FAM228B: variants seen among roughly 807,000 people sequenced by gnomAD.
The protein encoded by FAM228B is family with sequence similarity 228 member B, also known as protein FAM228B.
In FAM228B, 38 loss-of-function variants were observed where a neutral mutation model predicts 42.6. The ratio of observed to expected loss-of-function variants is 0.89; its 90% CI spans 0.69 to 1.17. The LOEUF is 1.17. Among genes scored for constraint, FAM228B ranks in the 50% most tolerant of loss-of-function variants. The probability of loss-of-function intolerance (pLI) is 0.00; values close to 1 mark genes in which losing one functional copy is unlikely to be tolerated. For synonymous variants in FAM228B, 109 were observed against 122.3 expected, an observed-to-expected ratio of 0.89 and a Z score of 0.72; for missense variants, 344 against 367.3, an observed-to-expected ratio of 0.94 and a Z score of 0.52.
chr2:24,119,820 A>AT (rs1666045688), upstream of FAM228B: 2 of 606,788 alleles, frequency 3.3e-6, no homozygotes, highest in African/African-American at 3.7e-5. Context: ...TTCCGTATAT[A>AT]TTTTCCATAT....
rs375736738 is a variant in FAM228B at position 24,157,874 on chromosome 2, T to C, written c.687-3632T>C. ...CACATACCAGGTTGAAAACCACTTA[T>C]TTATAGCCATAAGGCAGTAGATTCA... On this transcript the variant is annotated intron_variant, in intron 7 of 10. Transcript: ENST00000615575. Among the ~76,000 whole-genome samples the C allele has an allele frequency of 1.2e-3, 186 of 152,318 alleles. 9 individuals are homozygous for C. The South Asian group carries it at 0.038, about 31-fold the overall frequency.
chr2:24,092,476 G>A (rs868584319), intron 2 of FAM228B, among the ~76,000 whole-genome samples: 3 of 117,982 alleles, frequency 2.5e-5, no homozygotes, highest in Non-Finnish European at 6.0e-5. Flanking sequence ...TTCGGGAGGC[G>A]GGGCAGGAGA....
intron 2 of FAM228B, among the ~76,000 whole-genome samples, chr2:24,132,944 T>C (rs1666490817): frequency 6.6e-6 from 1 of 152,218 alleles, no homozygotes; most frequent in South Asian, 2.1e-4. Flanking sequence ...TTCAAGAGTT[T>C]GCCAGATATT....
intron 7 of FAM228B, among the ~76,000 whole-genome samples, chr2:24,156,286 T>G (rs1401974202): frequency 6.6e-6 from 1 of 152,202 alleles, no homozygotes; most frequent in African/African-American, 2.4e-5. Context: ...CATTATCCCT[T>G]TACTTAATCC....
At chr2:24,104,114 G>A (rs1477219) in intron 3 of FAM228B, among the ~76,000 whole-genome samples, 12,766 of 152,250 alleles carry the variant, frequency 0.084, 1,795 homozygotes, top group African/African-American at 0.29. Flanking sequence ...GCAGAAAGGA[G>A]TGAAGCCAGG....
At chr2:24,099,509 C>A (rs1371972056) in intron 3 of FAM228B, among the ~76,000 whole-genome samples, 1 of 152,076 alleles carries the variant, frequency 6.6e-6, no homozygotes, top group Non-Finnish European at 1.5e-5. Context: ...GAGTGAACTC[C>A]CAGTCACAAT....
chr2:24,119,062 A>G (rs1666015715), upstream of FAM228B, among the ~76,000 whole-genome samples: 1 of 152,202 alleles, frequency 6.6e-6, no homozygotes, highest in Non-Finnish European at 1.5e-5. Context: ...GGAATGCAGT[A>G]TATACCAACA....
At chr2:24,122,326 C>CAAAAA (rs71397404), upstream of FAM228B, 7,049 of 745,940 alleles carry the variant, frequency 9.4e-3, 38 homozygotes, top group South Asian at 0.012. Context: ...AATTCCGTCT[C>CAAAAA]AAAAAAAAAA....
chr2:24,151,237 A>G (rs966498398), intron 7 of FAM228B, among the ~76,000 whole-genome samples: 2 of 151,556 alleles, frequency 1.3e-5, no homozygotes, highest in African/African-American at 4.8e-5. Flanking sequence ...ATTCTTCAGC[A>G]TGTCAGTTGC....
intron 7 of FAM228B, among the ~76,000 whole-genome samples, chr2:24,154,735 C>A (rs1406241912): frequency 6.6e-6 from 1 of 152,188 alleles, no homozygotes; most frequent in Non-Finnish European, 1.5e-5. Flanking sequence ...ATTCAGTTTA[C>A]TTCTTTGCCT....
chr2:24,082,216 G>A (rs973922670), intron 2 of FAM228B, among the ~76,000 whole-genome samples: 2 of 152,150 alleles, frequency 1.3e-5, no homozygotes, highest in East Asian at 1.9e-4. Context: ...GGCTGATCTT[G>A]AACTCCTGGG....
chr2:24,124,253 A>C (rs1666240783), intron 1 of FAM228B, 77 bp from the exon 2 acceptor site: 1 of 719,468 alleles, frequency 1.4e-6, no homozygotes, highest in Admixed American at 3.1e-5. Flanking sequence ...CGTGTGTGCA[A>C]GGACACAGGT....
chr2:24,150,478 G>A (rs563867172), intron 7 of FAM228B, among the ~76,000 whole-genome samples: 4 of 151,916 alleles, frequency 2.6e-5, no homozygotes, highest in Admixed American at 6.6e-5. Flanking sequence ...AGGCTGGAGT[G>A]CAGTGGCATA....
Position 24,084,417 on chromosome 2 carries a change from A to G in FAM228B, c.-210+3462A>G, listed in dbSNP as rs1665170117. On this transcript the variant is annotated intron_variant, in intron 2 of 10. Coordinates refer to the FAM228B transcript ENST00000613899. The surrounding 1 kb of genome is among the most constrained non-coding windows in gnomAD (Gnocchi z 8.4). ...AGGGCAGGGCAGGACAGGACAGGGCAGGGGCCGCTGTATCCTCGCGGAGCA... is the reference window on the plus strand; with the variant it reads ...AGGGCAGGGCAGGACAGGACAGGGCGGGGGCCGCTGTATCCTCGCGGAGCA... 3 of 1,421,052 alleles carry G rather than the reference A, an allele frequency of 2.1e-6. No individual in the cohort carries two copies. Among genetic ancestry groups the G allele is most frequent in the South Asian group, 1.4e-5 (1 of 70,526 alleles). 88.0% of individuals were successfully genotyped at this position (1,421,052 alleles called of 1,614,324 possible).
chr2:24,166,215 G>A (rs550405364), intron 9 of FAM228B, among the ~76,000 whole-genome samples: 1 of 151,938 alleles, frequency 6.6e-6, no homozygotes, highest in East Asian at 1.9e-4. Context: ...TCTAGGTGGA[G>A]CTTCTCCCTC....
chr2:24,116,515 A>G (rs1262318903), intron 3 of FAM228B, among the ~76,000 whole-genome samples: 2 of 152,078 alleles, frequency 1.3e-5, no homozygotes, highest in East Asian at 3.9e-4. Context: ...TTTTATACAG[A>G]GTCTTGCAGA....
intron 2 of FAM228B, among the ~76,000 whole-genome samples, chr2:24,094,553 T>G (rs975612250): frequency 1.3e-5 from 2 of 152,112 alleles, no homozygotes; most frequent in Admixed American, 6.6e-5. Context: ...GTTGTGATCA[T>G]AACTCACTGT....
At chr2:24,109,475 C>T (rs1262747373) in intron 3 of FAM228B, among the ~76,000 whole-genome samples, 2 of 152,124 alleles carry the variant, frequency 1.3e-5, no homozygotes, top group Non-Finnish European at 2.9e-5. Context: ...AGCTTCTGCA[C>T]AGCAAAAGAA....
At chr2:24,168,590 G>A (rs1667485486) in intron 10 of FAM228B, among the ~76,000 whole-genome samples, 1 of 152,200 alleles carries the variant, frequency 6.6e-6, no homozygotes, top group Non-Finnish European at 1.5e-5. Flanking sequence ...GTGAGGAAGT[G>A]GAGACAGAAT....
Sources: allele counts gnomAD v4.1 joint callset (sites outside exome capture counted in the v4.1 genomes callset), GRCh38; gene constraint gnomAD v4.1.1; non-coding constraint Gnocchi (gnomAD v3.1); transcripts MANE v1.5; gene names NCBI Gene and HGNC (gene_info 2026-07-23, HGNC 2026-07-21).